The following CNTNAP2 variants were observed in gnomAD, a reference collection of about 807,000 sequenced individuals.
The protein encoded by CNTNAP2 is contactin associated protein 2.
CNTNAP2 carries 98 observed loss-of-function variants against 155.2 expected under a neutral mutation model. That is an observed-to-expected ratio of 0.63 (90% CI 0.54 to 0.75). CNTNAP2 has a LOEUF of 0.75. Among genes scored for constraint, CNTNAP2 ranks in the 30% least tolerant of loss-of-function variants. The pLI is 0.00. For missense variants in CNTNAP2, 1,727 were observed against 1,688.1 expected (o/e 1.02, Z -0.40); for synonymous variants, 651 against 631.2 (o/e 1.03, Z -0.47).
At chr7:147,469,506 ATTTTTTTTT>A (rs71527812) in intron 10 of CNTNAP2, among the ~76,000 whole-genome samples, 2 of 79,104 alleles carry the variant, frequency 2.5e-5, no homozygotes, top group Admixed American at 3.5e-4. Context: ...TCAGGCTGCA[ATTTTTTTTT>A]TTTTTTTTTT....
rs373853745 is a variant in CNTNAP2 at position 148,242,040 on chromosome 7, C to CT, written c.3381+12269dup. On this transcript the variant is annotated intron_variant, in intron 20 of 23. Coordinates refer to ENST00000361727, the MANE Select transcript of CNTNAP2 (RefSeq NM_014141.6). ...TTGTAAGACCAAGGTTGGGAGTTCACTTTTTTTTCCTCCAAGTGCATTAAA... is the reference window on the plus strand; with the variant it reads ...TTGTAAGACCAAGGTTGGGAGTTCACTTTTTTTTTCCTCCAAGTGCATTAAA... Among the ~76,000 whole-genome samples, 43 of 152,224 alleles carry CT rather than the reference C, an allele frequency of 2.8e-4. No homozygotes were observed. In the East Asian group the frequency reaches 7.9e-3, roughly 28 times the overall value.
At chr7:148,355,529 A>G (rs1798499110) in intron 21 of CNTNAP2, among the ~76,000 whole-genome samples, 1 of 152,156 alleles carries the variant, frequency 6.6e-6, no homozygotes, top group South Asian at 2.1e-4. Flanking sequence ...CTTTACTGGG[A>G]AAGAAGCTTG....
At chr7:147,502,308 G>A (rs1227763696) in intron 11 of CNTNAP2, among the ~76,000 whole-genome samples, 1 of 152,158 alleles carries the variant, frequency 6.6e-6, no homozygotes, top group Non-Finnish European at 1.5e-5. Context: ...TACTAAGTGT[G>A]AGGGAAATGC....
chr7:146,708,965 T>C (rs1178010448), intron 1 of CNTNAP2, among the ~76,000 whole-genome samples: 1 of 152,090 alleles, frequency 6.6e-6, no homozygotes, highest in Non-Finnish European at 1.5e-5. Context: ...TTCAGAAGTA[T>C]GAAGGTGCCA....
intron 8 of CNTNAP2, among the ~76,000 whole-genome samples, chr7:147,170,967 TGA>T (rs1373841434): frequency 2.0e-5 from 3 of 152,112 alleles, no homozygotes; most frequent in Non-Finnish European, 4.4e-5. Context: ...TGGAGAGCCC[TGA>T]GAGACGGGTG....
At chr7:146,819,874 G>A (rs977718007) in intron 2 of CNTNAP2, among the ~76,000 whole-genome samples, 1 of 152,080 alleles carries the variant, frequency 6.6e-6, no homozygotes, top group African/African-American at 2.4e-5. Context: ...CAGGCTGTCA[G>A]GATGTTCTGA....
intron 17 of CNTNAP2, among the ~76,000 whole-genome samples, chr7:148,156,681 C>G (rs910502386): frequency 2.6e-5 from 4 of 152,112 alleles, no homozygotes; most frequent in Non-Finnish European, 5.9e-5. Context: ...TGTGTTTCAA[C>G]TTAGATATTA....
intron 11 of CNTNAP2, among the ~76,000 whole-genome samples, chr7:147,545,716 T>C (rs1452500751): frequency 6.6e-6 from 1 of 152,152 alleles, no homozygotes; most frequent in Admixed American, 6.6e-5. Flanking sequence ...AGCCCAGCTT[T>C]CTTCACATAG....
At chr7:147,299,744 A>C (rs1794905947) in intron 8 of CNTNAP2, among the ~76,000 whole-genome samples, 2 of 152,248 alleles carry the variant, frequency 1.3e-5, no homozygotes, top group South Asian at 4.1e-4. Context: ...TACTAAGTTA[A>C]AGTAGTTCAT....
intron 11 of CNTNAP2, among the ~76,000 whole-genome samples, chr7:147,523,837 A>G (rs1799270710): frequency 6.6e-6 from 1 of 152,218 alleles, no homozygotes; most frequent in Non-Finnish European, 1.5e-5. Flanking sequence ...ATTATAATTG[A>G]ACATAACAGA....
intron 1 of CNTNAP2, among the ~76,000 whole-genome samples, chr7:146,299,745 C>A (rs1425465925): frequency 6.6e-6 from 1 of 151,832 alleles, no homozygotes; most frequent in Non-Finnish European, 1.5e-5. Flanking sequence ...GGAGGGGGTA[C>A]GACTTATGTG....
intron 15 of CNTNAP2, among the ~76,000 whole-genome samples, chr7:148,018,929 A>AAT (rs1385953012): frequency 6.6e-6 from 1 of 152,242 alleles, no homozygotes; most frequent in African/African-American, 2.4e-5. Context: ...AGCTTCCAGA[A>AAT]ATCTGAAGAC....
chr7:147,516,441 C>G (rs1799128473), intron 11 of CNTNAP2, among the ~76,000 whole-genome samples: 1 of 152,196 alleles, frequency 6.6e-6, no homozygotes, highest in African/African-American at 2.4e-5. Flanking sequence ...TAAAATTCCA[C>G]TTACAAGTGT....
At chr7:146,573,445 G>T (rs1798473971) in intron 1 of CNTNAP2, among the ~76,000 whole-genome samples, 1 of 152,056 alleles carries the variant, frequency 6.6e-6, no homozygotes, top group Non-Finnish European at 1.5e-5. Flanking sequence ...CTGGCCTTTT[G>T]TTGTTTTTGG....
intron 1 of CNTNAP2, among the ~76,000 whole-genome samples, chr7:146,548,247 T>C (rs1798059720): frequency 1.3e-5 from 2 of 152,026 alleles, no homozygotes; most frequent in Admixed American, 6.6e-5. Flanking sequence ...GTTAATTTGC[T>C]AAGGATAATG....
intron 1 of CNTNAP2, among the ~76,000 whole-genome samples, chr7:146,622,151 G>GTA (rs377635580): frequency 3.3e-4 from 34 of 101,734 alleles, no homozygotes; most frequent in South Asian, 7.7e-4. Flanking sequence ...ATACACACAC[G>GTA]TATATATATA....
At position 147,448,225 on chromosome 7, in the gene CNTNAP2, G is replaced by A. The variant is rs548246827; in HGVS notation, c.1671-37710G>A. On this transcript the variant is annotated intron_variant, in intron 10 of 23. Transcript: ENST00000361727. ...ATGTAAAAATATTCTTTTAATGTTT[G>A]TAGTTTTTAATCTTAAAAACACAAT... Among the ~76,000 whole-genome samples the A allele has an allele frequency of 2.3e-4, 35 of 152,082 alleles. 1 individual carries two copies. Among genetic ancestry groups the A allele is most frequent in the African/African-American group, 7.9e-4 (33 of 41,530 alleles).
chr7:148,406,076 C>CA (rs1799698183), intron 22 of CNTNAP2, among the ~76,000 whole-genome samples: 1 of 151,462 alleles, frequency 6.6e-6, no homozygotes, highest in Non-Finnish European at 1.5e-5. Context: ...ACTAAAAATA[C>CA]AAAAAATTAG....
intron 1 of CNTNAP2, among the ~76,000 whole-genome samples, chr7:146,282,237 C>T (rs1268950325): frequency 3.9e-5 from 6 of 152,144 alleles, no homozygotes; most frequent in South Asian, 2.1e-4. Context: ...CACCTCTGAC[C>T]GGACGTTTGT....
Sources: allele counts gnomAD v4.1 joint callset (sites outside exome capture counted in the v4.1 genomes callset), GRCh38; gene constraint gnomAD v4.1.1; transcripts MANE v1.5; gene names NCBI Gene and HGNC (gene_info 2026-07-23, HGNC 2026-07-21).